The following LMF1 variants were observed in gnomAD, a reference collection of about 807,000 sequenced individuals.
The protein encoded by LMF1 is lipase maturation factor 1.
Under a neutral mutation model 60.6 loss-of-function variants are expected in LMF1, and 68 were observed. The ratio of observed to expected loss-of-function variants is 1.12; its 90% CI spans 0.92 to 1.37. The LOEUF (loss-of-function observed/expected upper bound fraction) is 1.37, where lower values mean the gene tolerates loss of function less well. Among genes scored for constraint, LMF1 ranks in the 40% most tolerant of loss-of-function variants. The pLI is 0.00. For missense variants in LMF1, 948 were observed against 767.2 expected, an observed-to-expected ratio of 1.24 and a Z score of -2.78; for synonymous variants, 418 against 324.7, an observed-to-expected ratio of 1.29 and a Z score of -3.09.
At chr16:919,833 A>C (rs536306815) in intron 3 of LMF1, among the ~76,000 whole-genome samples, 132 of 152,116 alleles carry the variant, frequency 8.7e-4, no homozygotes, top group African/African-American at 3.0e-3. Flanking sequence ...GGTGAGGGTG[A>C]AGCAGCCAGC....
rs903938966 is a variant in LMF1 at position 955,949 on chromosome 16, C to T, written c.194-1283G>A. ...TTCACGTCTCACGGCGCCCACCCCA[C>T]GACGGCTCTCTCACATCCACAGGTC... is the stretch of plus-strand genomic sequence containing the variant. On this transcript the variant is annotated intron_variant, in intron 1 of 10. Transcript: ENST00000262301. Among the ~76,000 whole-genome samples, 7 of 150,736 alleles carry T rather than the reference C, an allele frequency of 4.6e-5. No individual in the cohort carries two copies. The East Asian group carries it at 7.8e-4, about 17-fold the overall frequency.
Position 871,173 on chromosome 16 carries a change from C to G in LMF1, c.1066G>C (p.Glu356Gln), listed in dbSNP as rs199615983. ...MQRDIRGARP[E>Q]PRFGSVVRRA... Reference sequence around the variant, plus strand: ...CTGAGCCACCTACCGAATCTGGGCTCGGGCCGGGCCCCTCGGATGTCCCTC... The same window carrying G: ...CTGAGCCACCTACCGAATCTGGGCTGGGGCCGGGCCCCTCGGATGTCCCTC... The change falls in exon 7 of 11, where the codon GAG becomes CAG. Residue 356 changes from glutamate to glutamine, a missense_variant. Physicochemically the swap from Glu to Gln is conservative, Grantham distance 29. Coordinates refer to ENST00000262301, the MANE Select transcript of LMF1 (RefSeq NM_022773.4). The G allele has an allele frequency of 2.5e-6, 4 of 1,594,408 alleles. No homozygotes were observed. In the Admixed American group the frequency reaches 6.9e-5, roughly 27 times the overall value.
chr16:853,648 G>A lies in LMF1; in HGVS notation c.*884C>T, dbSNP rs767079751. On this transcript the variant is annotated 3_prime_UTR_variant, in exon 11 of 11. Coordinates refer to ENST00000262301, the MANE Select transcript of LMF1 (RefSeq NM_022773.4). ...TAAACAGTGTGTTTTCGAGTAAGCT[G>A]GTAAGTGGTATAATAGGAATAGTAG... 5.8e-5 allele frequency: 26 copies of A among 450,304 alleles called. No individual in the cohort carries two copies. Among genetic ancestry groups the A allele is most frequent in the South Asian group, 3.9e-4 (25 of 64,446 alleles). 27.9% of individuals were successfully genotyped at this position (450,304 alleles called of 1,614,324 possible).
In LMF1 at chr16:917,741, G is replaced by C. The variant is rs936046196; in HGVS notation, c.515-6662C>G. Reference sequence around the variant, plus strand: ...TCAGCCCCACCCCAGAGGTGTCCCAGGGGACAGGAGTACTGCTGTGCTCGC... The same window carrying C: ...TCAGCCCCACCCCAGAGGTGTCCCACGGGACAGGAGTACTGCTGTGCTCGC... On this transcript the variant is annotated intron_variant, in intron 3 of 10. Coordinates refer to ENST00000262301, the MANE Select transcript of LMF1 (RefSeq NM_022773.4). Among the ~76,000 whole-genome samples, 3 of 152,326 alleles carry C rather than the reference G, an allele frequency of 2.0e-5. No homozygotes were observed. In the East Asian group the frequency reaches 5.8e-4, roughly 29 times the overall value.
rs145651198 is a variant in LMF1, at chr16:879,409, G to T, written c.897+161C>A. Among the ~76,000 whole-genome samples the T allele has an allele frequency of 2.7e-3, 412 of 152,298 alleles. 2 individuals are homozygous for T. Among genetic ancestry groups the T allele is most frequent in the African/African-American group, 9.4e-3 (391 of 41,548 alleles). The stretch of plus-strand genomic sequence containing the variant: ...GCCTGCAGCCCGGGACAGGGCTGCA[G>T]TGGGGCCCGTGACACAAACGAAGGC... On this transcript the variant is annotated intron_variant, in intron 6 of 10. Transcript: ENST00000262301.
Position 874,321 on chromosome 16 carries a change from G to C in LMF1, c.898-2980C>G, listed in dbSNP as rs2069903923. Among the ~76,000 whole-genome samples, 1 of 139,636 alleles carries C rather than the reference G, an allele frequency of 7.2e-6. No homozygotes were observed. The highest frequency in any genetic ancestry group is 2.6e-5 in the African/African-American group (1 of 39,086). The allele number at this position is 139,636 out of a possible 152,430, so 91.6% of individuals were successfully genotyped here. On this transcript the variant is annotated intron_variant, in intron 6 of 10. Transcript: ENST00000262301. The surrounding 1 kb of genome is among the most constrained non-coding windows in gnomAD (Gnocchi z 4.1). ...CTGTCTTGAGCGGGCGTGGGGTGCA[G>C]CCACCACAGGGCAAGGAGCCCTTTG...
intron 3 of LMF1, among the ~76,000 whole-genome samples, chr16:924,564 C>T (rs1266871565): frequency 1.3e-5 from 2 of 152,172 alleles, no homozygotes; most frequent in Non-Finnish European, 2.9e-5. Flanking sequence ...GAGGCATTAG[C>T]GCTGAAGGTT....
intron 1 of LMF1, chr16:976,487 G>T (rs748615026): frequency 6.6e-5 from 30 of 453,994 alleles, no homozygotes; most frequent in Non-Finnish European, 1.2e-4. Context: ...GGCCTCCCTC[G>T]ACGGAAGGTG....
chr16:964,157 G>A (rs1406918273), intron 1 of LMF1: 1 of 455,502 alleles, frequency 2.2e-6, no homozygotes, highest in Admixed American at 2.3e-5. Context: ...ATAGCTGGGC[G>A]TGGCAGCCTG....
chr16:890,325 C>G (rs1413465764), intron 5 of LMF1, among the ~76,000 whole-genome samples: 2 of 152,242 alleles, frequency 1.3e-5, no homozygotes, highest in African/African-American at 4.8e-5. Flanking sequence ...TGGGCCCCGT[C>G]CCAACTCAGC....
chr16:962,263 C>A lies in LMF1; in HGVS notation c.194-7597G>T, dbSNP rs424902. On this transcript the variant is annotated intron_variant, in intron 1 of 10. Coordinates refer to ENST00000262301, the MANE Select transcript of LMF1 (RefSeq NM_022773.4). The surrounding 1 kb of genome is among the most constrained non-coding windows in gnomAD (Gnocchi z 4.5). ...CCCAGACACAGACTCACGGTGACAGCACGGGATCACGACCCAGAGGGAAAA... is the reference window on the plus strand; with the variant it reads ...CCCAGACACAGACTCACGGTGACAGAACGGGATCACGACCCAGAGGGAAAA... 2.2e-4 allele frequency among the ~76,000 whole-genome samples: 33 copies of A among 152,016 alleles called. No homozygotes were observed. The highest frequency in any genetic ancestry group is 4.0e-4 in the Non-Finnish European group (27 of 68,024).
At chr16:947,276 T>C in intron 2 of LMF1, 1 of 354,516 alleles carries the variant, frequency 2.8e-6, no homozygotes, top group Non-Finnish European at 5.6e-6. Flanking sequence ...TCAAATCCCT[T>C]CCCATGCATT....
Position 854,460 on chromosome 16 carries a change from T to A in LMF1, c.*72A>T. The A allele has an allele frequency of 6.9e-7, 1 of 1,450,896 alleles. No homozygotes were observed. The highest frequency in any genetic ancestry group is 9.4e-7 in the Non-Finnish European group (1 of 1,066,924). The allele number at this position is 1,450,896 out of a possible 1,614,324, so 89.9% of individuals were successfully genotyped here. A position where few individuals can be genotyped will look rare whatever the true frequency, so the allele number is the denominator to read the frequency against. ...TCTCTTGGCGATGCCCAGCTTGGGC[T>A]GGGCGCAGGGAAGGGCAAACGTTGC... On this transcript the variant is annotated 3_prime_UTR_variant, in exon 11 of 11. Coordinates refer to ENST00000262301, the MANE Select transcript of LMF1 (RefSeq NM_022773.4).
rs1035560407 is a variant in LMF1, at chr16:874,557, C to G, written c.898-3216G>C. ...CACTGCTCTTGTGCACCTCTCCAGG[C>G]AGGCAGCGGCCCCAGGGCCCCGCGG... is the stretch of plus-strand genomic sequence containing the variant. On this transcript the variant is annotated intron_variant, in intron 6 of 10. Coordinates refer to ENST00000262301, the MANE Select transcript of LMF1 (RefSeq NM_022773.4). This position sits in a 1 kb window ranked among gnomAD's most constrained non-coding sequence, Gnocchi z 4.1. Among the ~76,000 whole-genome samples, 1 of 152,194 alleles carries G rather than the reference C, an allele frequency of 6.6e-6. No homozygotes were observed. The highest frequency in any genetic ancestry group is 2.4e-5 in the African/African-American group (1 of 41,460).
chr16:873,607 G>A (rs1345428857), intron 6 of LMF1: 7 of 39,160 alleles, frequency 1.8e-4, no homozygotes, highest in African/African-American at 6.6e-4. Context: ...ACCCTCCGCC[G>A]AGGACATGCC....
At chr16:887,599 G>A (rs2070347192) in intron 5 of LMF1, among the ~76,000 whole-genome samples, 1 of 152,168 alleles carries the variant, frequency 6.6e-6, no homozygotes, top group African/African-American at 2.4e-5. Context: ...ACCCACGCCT[G>A]GAGGCCCCGC....
rs2070736972 is a variant in LMF1 at position 898,994 on chromosome 16, G to GAGGAAT, written c.664-5928_664-5923dup. ...TTGAGCTGAACTGTGCGGTTGGGAA[G>GAGGAAT]AGGAATTACTAATGCTCTTTGTAGC... On this transcript the variant is annotated intron_variant, in intron 4 of 10. Transcript: ENST00000262301. The GAGGAAT allele has an allele frequency of 2.0e-5, 3 of 152,272 alleles. No individual in the cohort carries two copies. In the South Asian group the frequency reaches 6.2e-4, roughly 32 times the overall value. The allele number at this position is 152,272 out of a possible 1,614,324, so 9.4% of individuals were successfully genotyped here. A position where few individuals can be genotyped will look rare whatever the true frequency, so the allele number is the denominator to read the frequency against.
At chr16:949,511 A>AAGACAGAG (rs2072375329) in intron 2 of LMF1, among the ~76,000 whole-genome samples, 1 of 63,718 alleles carries the variant, frequency 1.6e-5, no homozygotes, top group African/African-American at 1.1e-4. Flanking sequence ...GTTAGAGACA[A>AAGACAGAG]TGACAGAGTC....
chr16:919,492 G>A lies in LMF1; in HGVS notation c.515-8413C>T, dbSNP rs188830060. On this transcript the variant is annotated intron_variant, in intron 3 of 10. Coordinates refer to ENST00000262301, the MANE Select transcript of LMF1 (RefSeq NM_022773.4). Reference sequence around the variant, plus strand: ...GCGCTCGCGTGAGGACAGCAGTGCCGGCAGCACCAGGGCACAGGCCCCACA... The same window carrying A: ...GCGCTCGCGTGAGGACAGCAGTGCCAGCAGCACCAGGGCACAGGCCCCACA... 2.6e-4 allele frequency among the ~76,000 whole-genome samples: 19 copies of A among 73,122 alleles called. 1 individual carries two copies. The highest frequency in any genetic ancestry group is 1.8e-3 in the African/African-American group (17 of 9,700). 48.0% of individuals were successfully genotyped at this position (73,122 alleles called of 152,430 possible). A position where few individuals can be genotyped will look rare whatever the true frequency, so the allele number is the denominator to read the frequency against.
Sources: allele counts gnomAD v4.1 joint callset (sites outside exome capture counted in the v4.1 genomes callset), GRCh38; gene constraint gnomAD v4.1.1; non-coding constraint Gnocchi (gnomAD v3.1); transcripts MANE v1.5; gene names NCBI Gene and HGNC (gene_info 2026-07-23, HGNC 2026-07-21).